The following ZFHX3 variants were observed in gnomAD, a reference collection of about 807,000 sequenced individuals.
The protein encoded by ZFHX3 is zinc finger homeobox 3.
In ZFHX3, 42 loss-of-function variants were observed where a neutral mutation model predicts 279.1. That is an observed-to-expected ratio of 0.15 (90% confidence interval 0.12 to 0.19). The LOEUF is 0.19. Ranked by LOEUF, ZFHX3 falls within the 10% of genes least tolerant of loss-of-function variation. The pLI is 1.00. For missense variants in ZFHX3, 4,981 were observed against 4,754.0 expected, an observed-to-expected ratio of 1.05 and a Z score of -1.40; for synonymous variants, 2,293 against 1,957.8, an observed-to-expected ratio of 1.17 and a Z score of -4.52.
chr16:73,891,375 C>A (rs1044790774), intron 1 of ZFHX3, among the ~76,000 whole-genome samples: 1 of 152,012 alleles, frequency 6.6e-6, no homozygotes, highest in African/African-American at 2.4e-5. Flanking sequence ...CCCAGGCAGT[C>A]CTATTTGCAT....
chr16:73,278,754 T>C (rs868770232), intron 4 of ZFHX3, among the ~76,000 whole-genome samples: 14 of 152,348 alleles, frequency 9.2e-5, no homozygotes, highest in Middle Eastern at 3.4e-3. Flanking sequence ...TACAGGGCAC[T>C]GATAGGTGCG....
chr16:73,458,638 T>G (rs1453809774), intron 2 of ZFHX3, among the ~76,000 whole-genome samples: 1 of 152,082 alleles, frequency 6.6e-6, no homozygotes, highest in African/African-American at 2.4e-5. Context: ...GAACTGCTCT[T>G]TAGACCCCTG....
At chr16:73,346,134 AC>A (rs1395691753) in intron 3 of ZFHX3, among the ~76,000 whole-genome samples, 1 of 151,614 alleles carries the variant, frequency 6.6e-6, no homozygotes, top group South Asian at 2.1e-4. Flanking sequence ...GTGTTGAGAG[AC>A]CCCCAGTCAA....
chr16:73,093,137 G>A (rs1313412388), intron 8 of ZFHX3: 2 of 519,870 alleles, frequency 3.8e-6, no homozygotes, highest in Admixed American at 1.9e-5. Flanking sequence ...GAACAACCCC[G>A]ACAGCTGCAA....
At chr16:72,859,911 G>GT (rs2037842076) in intron 4 of ZFHX3, among the ~76,000 whole-genome samples, 1 of 152,140 alleles carries the variant, frequency 6.6e-6, no homozygotes, top group Admixed American at 6.5e-5. Flanking sequence ...CCCCCAGGCC[G>GT]TAAGACAGGC....
At chr16:73,065,664 C>T (rs1965742153) in intron 8 of ZFHX3, among the ~76,000 whole-genome samples, 1 of 151,694 alleles carries the variant, frequency 6.6e-6, no homozygotes, top group African/African-American at 2.4e-5. Flanking sequence ...ATTCCCAGTC[C>T]TCGTCCTCCC....
At chr16:72,883,994 A>G (rs559953163) in intron 4 of ZFHX3, among the ~76,000 whole-genome samples, 28 of 152,146 alleles carry the variant, frequency 1.8e-4, no homozygotes, top group African/African-American at 4.8e-4. Flanking sequence ...GAAAAATTAC[A>G]CTGAAATTGC....
chr16:73,743,045 T>G (rs1388870954), intron 1 of ZFHX3, among the ~76,000 whole-genome samples: 1 of 152,234 alleles, frequency 6.6e-6, no homozygotes. Context: ...TCAGTGCAGT[T>G]ATTCATACAG....
rs543798336 is a variant in ZFHX3, at chr16:73,548,052, G to A, written c.-1546-91794C>T. Among the ~76,000 whole-genome samples, 279 of 152,250 alleles carry A rather than the reference G, an allele frequency of 1.8e-3. 1 individual carries two copies. The highest frequency in any genetic ancestry group is 1.8e-3 in the Non-Finnish European group (125 of 68,016). On this transcript the variant is annotated intron_variant, in intron 2 of 17. Coordinates refer to the ZFHX3 transcript ENST00000641206. Reference sequence around the variant, plus strand: ...TACACAGTCCTTGCTATAAACACACGAGTCTGGTTTTTCTTCTGCAAATAT... The same window carrying A: ...TACACAGTCCTTGCTATAAACACACAAGTCTGGTTTTTCTTCTGCAAATAT...
At chr16:72,988,093 G>T (rs184657698) in intron 1 of ZFHX3, among the ~76,000 whole-genome samples, 1 of 152,098 alleles carries the variant, frequency 6.6e-6, no homozygotes. Context: ...AGAACAATAT[G>T]GTCCACACTT....
In ZFHX3 at chr16:73,146,042, G is replaced by A. The variant is rs377204510; in HGVS notation, c.-1103-2211C>T. On this transcript the variant is annotated intron_variant, in intron 5 of 17. Coordinates refer to the ZFHX3 transcript ENST00000641206. Reference sequence around the variant, plus strand: ...GTGCCATTAAATATTTGATGAAAACGAGGTTACAAAACTGGAAGAATTCCA... The same window carrying A: ...GTGCCATTAAATATTTGATGAAAACAAGGTTACAAAACTGGAAGAATTCCA... 2.6e-4 allele frequency among the ~76,000 whole-genome samples: 39 copies of A among 152,278 alleles called. 1 individual carries two copies. The highest frequency in any genetic ancestry group is 8.4e-4 in the African/African-American group (35 of 41,552).
At chr16:73,393,282 T>A (rs922144075) in intron 3 of ZFHX3, among the ~76,000 whole-genome samples, 14 of 152,212 alleles carry the variant, frequency 9.2e-5, no homozygotes, top group African/African-American at 3.4e-4. Context: ...ATTTCTTTGG[T>A]CAAATCAGTA....
Position 73,811,432 on chromosome 16 carries a change from TCTC to T in ZFHX3, c.-1608+80216_-1608+80218del, listed in dbSNP as rs959578814. 5.3e-5 allele frequency among the ~76,000 whole-genome samples: 8 copies of T among 149,974 alleles called. No individual in the cohort carries two copies. In the South Asian group the frequency reaches 1.3e-3, roughly 24 times the overall value. ...CAAAGTTGATCTTCAATCCCTTCAGTCTCTTCTTTTTTTTTTTTTTTTTTTTTT... is the reference window on the plus strand; with the variant it reads ...CAAAGTTGATCTTCAATCCCTTCAGTTTCTTTTTTTTTTTTTTTTTTTTTT... On this transcript the variant is annotated intron_variant, in intron 1 of 17. Transcript: ENST00000641206.
chr16:73,797,661 G>C (rs939712375), intron 1 of ZFHX3, among the ~76,000 whole-genome samples: 1 of 152,098 alleles, frequency 6.6e-6, no homozygotes, highest in Admixed American at 6.5e-5. Context: ...ACACTGGTAC[G>C]GTGGAGAAAG....
intron 1 of ZFHX3, among the ~76,000 whole-genome samples, chr16:73,865,649 G>A (rs954584012): frequency 6.6e-6 from 1 of 152,096 alleles, no homozygotes; most frequent in Non-Finnish European, 1.5e-5. Flanking sequence ...AATCTGAACT[G>A]CCGTGACTCA....
chr16:73,258,835 C>G (rs182481936), intron 4 of ZFHX3, among the ~76,000 whole-genome samples: 5 of 152,212 alleles, frequency 3.3e-5, no homozygotes, highest in Non-Finnish European at 7.3e-5. Context: ...TTCTCTCTCA[C>G]TTCTTCCCCC....
At chr16:73,237,896 C>G (rs1251296329) in intron 5 of ZFHX3, among the ~76,000 whole-genome samples, 1 of 152,172 alleles carries the variant, frequency 6.6e-6, no homozygotes, top group Non-Finnish European at 1.5e-5. Flanking sequence ...GTCAAGTTTA[C>G]CCATGAGCTG....
intron 1 of ZFHX3, among the ~76,000 whole-genome samples, chr16:72,977,211 C>G (rs1041514567): frequency 6.6e-6 from 1 of 152,158 alleles, no homozygotes; most frequent in Non-Finnish European, 1.5e-5. Context: ...GTTTCTTTGG[C>G]CTTGGTTCCT....
Position 72,793,663 on chromosome 16 carries a change from T to C in ZFHX3, c.9019A>G (p.Ser3007Gly). Reference protein sequence around the residue: ...ARAKEKKSKLSMAKHFGINQT... With the variant: ...ARAKEKKSKLGMAKHFGINQT... ...TTTATACCAAAATGCTTGGCCATGC[T>C]TAACTTGGACTTCTTTTCTTTTGCC... Residue 3007 changes from serine (S) to glycine (G), a missense_variant, in exon 9 of 10, where the codon AGC becomes GGC. This residue lies in a region of ZFHX3 where 168 missense variants were observed against 249.1 expected (regional missense o/e 0.67). Transcript: ENST00000268489. The surrounding 1 kb of genome is among the most constrained non-coding windows in gnomAD (Gnocchi z 4.3). 2 of 1,614,204 alleles carry C rather than the reference T, an allele frequency of 1.2e-6. No homozygotes were observed. Among genetic ancestry groups the C allele is most frequent in the Non-Finnish European group, 1.7e-6 (2 of 1,180,044 alleles).
Sources: allele counts gnomAD v4.1 joint callset (sites outside exome capture counted in the v4.1 genomes callset), GRCh38; gene constraint gnomAD v4.1.1; regional missense constraint gnomAD v4.1.1; non-coding constraint Gnocchi (gnomAD v3.1); transcripts MANE v1.5; gene names NCBI Gene and HGNC (gene_info 2026-07-23, HGNC 2026-07-21).